The following EYS variants were observed in gnomAD, a reference collection of about 807,000 sequenced individuals.
EYS encodes EGF-like photoreceptor maintenance factor, also known as protein eyes shut homolog.
Under a neutral mutation model 282.1 loss-of-function variants are expected in EYS, and 250 were observed. That is an observed-to-expected ratio of 0.89 (90% CI 0.80 to 0.98). The LOEUF (loss-of-function observed/expected upper bound fraction) is 0.98. Ranked by LOEUF, EYS falls within the 50% of genes least tolerant of loss-of-function variation. EYS has a pLI of 0.00. For synonymous variants in EYS, 1,355 were observed against 1,282.9 expected (o/e 1.06, Z -1.20); for missense variants, 4,016 against 3,709.0 (o/e 1.08, Z -2.15).
At chr6:63,992,020 G>A (rs1767627564) in intron 34 of EYS, among the ~76,000 whole-genome samples, 1 of 151,710 alleles carries the variant, frequency 6.6e-6, no homozygotes, top group African/African-American at 2.4e-5. Context: ...GAATGAAGAA[G>A]ACATAAAGAC....
At chr6:64,800,871 G>A (rs1774523442) in intron 22 of EYS, among the ~76,000 whole-genome samples, 1 of 151,856 alleles carries the variant, frequency 6.6e-6, no homozygotes, top group South Asian at 2.1e-4. Flanking sequence ...ATGAACAAAA[G>A]GACCTGAATT....
intron 2 of EYS, among the ~76,000 whole-genome samples, chr6:65,625,803 C>T (rs935861881): frequency 7.2e-5 from 11 of 152,130 alleles, no homozygotes; most frequent in African/African-American, 2.7e-4. Flanking sequence ...AGCCATTAAG[C>T]AAGGCAAATT....
Position 64,170,727 on chromosome 6 carries a change from A to G in EYS, c.6424+59865T>C, listed in dbSNP as rs115287793. ...AAACAAGGTCACATTTGCAGGTAGCAGGAATTAGTACTTAAACACATCTTT... is the reference window on the plus strand; with the variant it reads ...AAACAAGGTCACATTTGCAGGTAGCGGGAATTAGTACTTAAACACATCTTT... On this transcript the variant is annotated intron_variant, in intron 31 of 42. Coordinates refer to ENST00000503581, the MANE Select transcript of EYS (RefSeq NM_001142800.2). Among the ~76,000 whole-genome samples, 1,297 of 151,530 alleles carry G rather than the reference A, an allele frequency of 8.6e-3. 14 individuals carry two copies. The highest frequency in any genetic ancestry group is 0.03 in the African/African-American group (1,246 of 41,236).
chr6:64,693,566 G>A (rs1770472849), intron 22 of EYS, among the ~76,000 whole-genome samples: 1 of 152,100 alleles, frequency 6.6e-6, no homozygotes, highest in Non-Finnish European at 1.5e-5. Context: ...GCCAGATTGT[G>A]ATGAGACAAC....
At chr6:65,342,025 G>A (rs563597061) in intron 10 of EYS, among the ~76,000 whole-genome samples, 4 of 151,150 alleles carry the variant, frequency 2.6e-5, no homozygotes, top group South Asian at 2.1e-4. Context: ...CATGTGTATG[G>A]GTAATATTGT....
At chr6:65,016,913 T>C (rs975727404) in intron 13 of EYS, among the ~76,000 whole-genome samples, 5 of 152,162 alleles carry the variant, frequency 3.3e-5, no homozygotes, top group African/African-American at 1.2e-4. Context: ...GGACATTAAG[T>C]GGTAATGGAC....
chr6:64,626,940 A>C (rs971205275), intron 22 of EYS, among the ~76,000 whole-genome samples: 1 of 152,222 alleles, frequency 6.6e-6, no homozygotes, highest in Non-Finnish European at 1.5e-5. Context: ...ATGTCATGAA[A>C]GGTATGCTCC....
chr6:64,287,700 C>T (rs894952310), intron 30 of EYS, among the ~76,000 whole-genome samples: 1 of 152,048 alleles, frequency 6.6e-6, no homozygotes, highest in African/African-American at 2.4e-5. Context: ...GTTGTGACAC[C>T]ATTTTATTTA....
chr6:64,840,854 A>G (rs183352479), intron 19 of EYS, among the ~76,000 whole-genome samples: 29 of 152,260 alleles, frequency 1.9e-4, no homozygotes, highest in East Asian at 7.7e-4. Context: ...AAATTTAATT[A>G]AAAGTAAATT....
chr6:64,062,606 G>A (rs996836294), intron 33 of EYS, among the ~76,000 whole-genome samples: 5 of 149,948 alleles, frequency 3.3e-5, no homozygotes, highest in Admixed American at 1.3e-4. Flanking sequence ...CCGGAAAATC[G>A]CTTGAACCCT....
chr6:64,730,578 A>G (rs990810991), intron 22 of EYS, among the ~76,000 whole-genome samples: 1 of 152,088 alleles, frequency 6.6e-6, no homozygotes, highest in Non-Finnish European at 1.5e-5. Context: ...TCCCAGGTTC[A>G]AGCAATTCTC....
chr6:64,445,437 T>C (rs1448899945), intron 26 of EYS, among the ~76,000 whole-genome samples: 2 of 152,218 alleles, frequency 1.3e-5, no homozygotes, highest in Admixed American at 6.5e-5. Flanking sequence ...TTTATCTGAA[T>C]TGTATGGATT....
At chr6:64,800,233 C>T (rs1367076517) in intron 22 of EYS, among the ~76,000 whole-genome samples, 2 of 151,980 alleles carry the variant, frequency 1.3e-5, no homozygotes, top group African/African-American at 2.4e-5. Flanking sequence ...TACAGTAATT[C>T]CACTGACAAT....
At chr6:64,324,742 G>A (rs900486637) in intron 29 of EYS, among the ~76,000 whole-genome samples, 2 of 152,126 alleles carry the variant, frequency 1.3e-5, no homozygotes, top group African/African-American at 4.8e-5. Flanking sequence ...AAAGGCTACT[G>A]GACCTGATAC....
intron 26 of EYS, among the ~76,000 whole-genome samples, chr6:64,561,799 A>G (rs556622761): frequency 6.6e-6 from 1 of 151,886 alleles, no homozygotes; most frequent in African/African-American, 2.4e-5. Flanking sequence ...TACCAATGGC[A>G]TTCTTCCCAA....
At chr6:65,572,314 T>G (rs1234076611) in intron 2 of EYS, among the ~76,000 whole-genome samples, 1 of 152,112 alleles carries the variant, frequency 6.6e-6, no homozygotes, top group Non-Finnish European at 1.5e-5. Context: ...AACATAATGT[T>G]AAAAACTTTT....
intron 2 of EYS, among the ~76,000 whole-genome samples, chr6:65,614,315 A>G (rs1269766442): frequency 6.6e-6 from 1 of 152,008 alleles, no homozygotes; most frequent in Non-Finnish European, 1.5e-5. Flanking sequence ...CTAGTTAACA[A>G]TTACACCCTA....
At chr6:64,098,096 C>T (rs1326071385) in intron 31 of EYS, among the ~76,000 whole-genome samples, 2 of 152,120 alleles carry the variant, frequency 1.3e-5, no homozygotes, top group Admixed American at 6.5e-5. Flanking sequence ...TTGTACAACA[C>T]ATTGGAAAAC....
intron 41 of EYS, among the ~76,000 whole-genome samples, chr6:63,730,592 C>T (rs1282057906): frequency 1.3e-5 from 2 of 152,216 alleles, no homozygotes; most frequent in Admixed American, 1.3e-4. Flanking sequence ...TATGATGCTA[C>T]TTTTCCTCCT....
Sources: gnomAD v4.1 joint callset for allele counts (sites outside exome capture counted in the v4.1 genomes callset) on GRCh38, gnomAD v4.1.1 for gene constraint, MANE v1.5 for transcripts, NCBI Gene and HGNC (gene_info 2026-07-23, HGNC 2026-07-21) for gene names.